Variants in LAPTM4B observed in about 807,000 individuals in gnomAD.
LAPTM4B encodes lysosomal protein transmembrane 4 beta, also known as lysosomal-associated transmembrane protein 4B.
A neutral mutation model predicts 28.5 loss-of-function variants in LAPTM4B; 26 were observed. The ratio of observed to expected loss-of-function variants is 0.91; its 90% CI spans 0.67 to 1.27. The LOEUF (loss-of-function observed/expected upper bound fraction) is 1.27. Ranked by LOEUF, LAPTM4B falls within the 50% of genes most tolerant of loss-of-function variation. The pLI, the probability that LAPTM4B is intolerant of heterozygous loss-of-function variation, is 0.00. For missense variants in LAPTM4B, 288 were observed against 285.8 expected (o/e 1.01, Z -0.06); for synonymous variants, 109 against 106.4 (o/e 1.02, Z -0.15).
chr8:97,831,404 G>C (rs1047452803), intron 6 of LAPTM4B, among the ~76,000 whole-genome samples: 1 of 152,338 alleles, frequency 6.6e-6, no homozygotes. Context: ...CCAATCTTTT[G>C]TGGGGGTAAA....
At chr8:97,827,791 T>C (rs1186959494) in intron 6 of LAPTM4B, among the ~76,000 whole-genome samples, 2 of 152,028 alleles carry the variant, frequency 1.3e-5, no homozygotes, top group Non-Finnish European at 2.9e-5. Context: ...GGTGGTGGGA[T>C]TGGAGCTAGT....
chr8:97,849,097 T>C (rs1225356731), intron 6 of LAPTM4B, among the ~76,000 whole-genome samples: 1 of 152,172 alleles, frequency 6.6e-6, no homozygotes, highest in Non-Finnish European at 1.5e-5. Flanking sequence ...GTGTTCACTG[T>C]AGCAAACACC....
At chr8:97,851,152 C>T (rs1434454735) in intron 6 of LAPTM4B, among the ~76,000 whole-genome samples, 1 of 152,096 alleles carries the variant, frequency 6.6e-6, no homozygotes, top group East Asian at 1.9e-4. Context: ...TTAGAGTCAC[C>T]GACCTCTGGC....
At chr8:97,780,105 G>T (rs1413843433) in intron 1 of LAPTM4B, among the ~76,000 whole-genome samples, 1 of 149,300 alleles carries the variant, frequency 6.7e-6, no homozygotes, top group Non-Finnish European at 1.5e-5. Context: ...ATAAAGCGGA[G>T]AGTTTTCAGA....
At position 97,819,251 on chromosome 8, in the gene LAPTM4B, A is replaced by AT. The variant is rs1816968273; in HGVS notation, c.507+17dup. On this transcript the variant is annotated intron_variant, in intron 5 of 6. Transcript: ENST00000521545. ...CTTGACTTTTAAGGTAAGCATGAAG[A>AT]TTTTACTTATAGTCTAAAAATATTA... The AT allele has an allele frequency of 2.1e-6, 3 of 1,460,208 alleles. No individual in the cohort carries two copies. Among genetic ancestry groups the AT allele is most frequent in the Non-Finnish European group, 2.9e-6 (3 of 1,049,646 alleles). The allele number at this position is 1,460,208 out of a possible 1,614,324, so 90.5% of individuals were successfully genotyped here. A position where few individuals can be genotyped will look rare whatever the true frequency, so the allele number is the denominator to read the frequency against.
At chr8:97,827,966 A>G (rs1241329723) in intron 6 of LAPTM4B, among the ~76,000 whole-genome samples, 2 of 152,156 alleles carry the variant, frequency 1.3e-5, no homozygotes, top group Non-Finnish European at 2.9e-5. Flanking sequence ...AAGGTTGGCT[A>G]ATAAGCTAAG....
At chr8:97,818,668 T>C (rs1240240590) in intron 4 of LAPTM4B, among the ~76,000 whole-genome samples, 12 of 152,124 alleles carry the variant, frequency 7.9e-5, no homozygotes. Context: ...TTTTAGTAGG[T>C]TTCTGTCCCT....
In LAPTM4B at chr8:97,851,378, C is replaced by T. The variant is rs779760258; in HGVS notation, c.604-19C>T. 8 of 1,548,780 alleles carry T rather than the reference C, an allele frequency of 5.2e-6. No individual in the cohort carries two copies. Among genetic ancestry groups the T allele is most frequent in the African/African-American group, 2.7e-5 (2 of 74,190 alleles). On this transcript the variant is annotated intron_variant, in intron 6 of 6. Coordinates refer to ENST00000521545, the MANE Select transcript of LAPTM4B (RefSeq NM_018407.6). ...GTGCTCTTCAAACATTAACTCTTGC[C>T]GTCCCTCTTTCTTCTCAGGTGCTGC...
At chr8:97,792,941 C>T (rs1816527169) in intron 1 of LAPTM4B, among the ~76,000 whole-genome samples, 1 of 152,108 alleles carries the variant, frequency 6.6e-6, no homozygotes, top group South Asian at 2.1e-4. Flanking sequence ...TTTTCTCTCT[C>T]AGGATGTTTA....
chr8:97,808,576 CAT>C (rs1336241609), intron 2 of LAPTM4B, among the ~76,000 whole-genome samples: 1 of 152,112 alleles, frequency 6.6e-6, no homozygotes, highest in Non-Finnish European at 1.5e-5. Flanking sequence ...GACCAAAACA[CAT>C]ATAAAAGAAG....
chr8:97,783,751 C>T (rs114991657), intron 1 of LAPTM4B, among the ~76,000 whole-genome samples: 5 of 152,286 alleles, frequency 3.3e-5, no homozygotes, highest in Admixed American at 6.5e-5. Flanking sequence ...CTTTCCGTCC[C>T]TCCCTCCCAT....
At chr8:97,842,486 A>C (rs1448436371) in intron 6 of LAPTM4B, among the ~76,000 whole-genome samples, 1 of 152,078 alleles carries the variant, frequency 6.6e-6, no homozygotes, top group Non-Finnish European at 1.5e-5. Flanking sequence ...GGGCCGGCAA[A>C]CAGGAGTACC....
intron 1 of LAPTM4B, among the ~76,000 whole-genome samples, chr8:97,793,402 TAAAC>T (rs1816533886): frequency 6.6e-6 from 1 of 152,188 alleles, no homozygotes; most frequent in Admixed American, 6.6e-5. Context: ...TAATTTTGTA[TAAAC>T]ACCCTATGAG....
At chr8:97,840,723 A>C (rs547394156) in intron 6 of LAPTM4B, among the ~76,000 whole-genome samples, 1 of 152,342 alleles carries the variant, frequency 6.6e-6, no homozygotes, top group South Asian at 2.1e-4. Context: ...GATCACACAC[A>C]AGGCTGTCAC....
At chr8:97,795,728 C>T (rs1237333995) in intron 1 of LAPTM4B, among the ~76,000 whole-genome samples, 1 of 151,174 alleles carries the variant, frequency 6.6e-6, no homozygotes, top group Non-Finnish European at 1.5e-5. Context: ...TGGCACTTGC[C>T]TGTAGTCCCA....
intron 1 of LAPTM4B, among the ~76,000 whole-genome samples, chr8:97,797,234 A>T (rs1423278146): frequency 2.0e-5 from 3 of 151,516 alleles, no homozygotes; most frequent in Non-Finnish European, 4.4e-5. Context: ...TCCCAGGTTG[A>T]AGCGATTCTC....
chr8:97,846,406 CA>C (rs1245799035), intron 6 of LAPTM4B, among the ~76,000 whole-genome samples: 5 of 151,380 alleles, frequency 3.3e-5, no homozygotes, highest in African/African-American at 1.2e-4. Flanking sequence ...CAGCTCACCA[CA>C]GCCACCGCCT....
At chr8:97,842,797 G>A (rs755195129) in intron 6 of LAPTM4B, among the ~76,000 whole-genome samples, 1 of 152,046 alleles carries the variant, frequency 6.6e-6, no homozygotes, top group Non-Finnish European at 1.5e-5. Context: ...GACTACAGGC[G>A]TGAGCCACCG....
intron 1 of LAPTM4B, among the ~76,000 whole-genome samples, chr8:97,791,921 G>C (rs990620138): frequency 1.3e-5 from 2 of 152,112 alleles, no homozygotes; most frequent in African/African-American, 4.8e-5. Flanking sequence ...TGGTTTCTTA[G>C]TTTAGTTCAT....
Sources: allele counts gnomAD v4.1 joint callset (sites outside exome capture counted in the v4.1 genomes callset), GRCh38; gene constraint gnomAD v4.1.1; transcripts MANE v1.5; gene names NCBI Gene and HGNC (gene_info 2026-07-23, HGNC 2026-07-21).